The following LILRB1 variants were observed in gnomAD, a reference collection of about 807,000 sequenced individuals.
LILRB1 encodes leukocyte immunoglobulin like receptor B1.
LILRB1 carries 59 observed loss-of-function variants against 74.6 expected under a neutral mutation model. The observed-to-expected ratio is 0.79, with a 90% CI of 0.64 to 0.98. LILRB1 has a LOEUF of 0.98. LILRB1 is among the 50% of genes least tolerant of loss of function. LILRB1 has a pLI of 0.00. For missense variants in LILRB1, 804 were observed against 822.6 expected (o/e 0.98, Z 0.28); for synonymous variants, 328 against 333.9 (o/e 0.98, Z 0.19).
upstream of LILRB1, among the ~76,000 whole-genome samples, chr19:54,630,168 G>A (rs1236208379): frequency 2.0e-5 from 3 of 152,384 alleles, no homozygotes; most frequent in East Asian, 1.9e-4. Flanking sequence ...GTTCATTACC[G>A]CCCGAGGTCA....
In LILRB1 at chr19:54,633,235, G is replaced by T. The variant is rs374192029; in HGVS notation, c.1178G>T (p.Gly393Val). ...PMGPVTSAHA[G>V]TYRCYGSQSS... ...GGTCCTGTGACCTCAGCCCATGCGG[G>T]GACCTACAGGTGCTACGGCTCACAG... The change falls in exon 7 of 15, where the codon GGG becomes GTG. Residue 393 changes from glycine (G) to valine (V), a missense_variant. By Grantham distance (109) the Gly-to-Val change is moderately radical. Transcript: ENST00000324602. The T allele has an allele frequency of 2.5e-6, 4 of 1,614,030 alleles. No homozygotes were observed. The African/African-American group carries it at 5.3e-5, about 22-fold the overall frequency.
intron 1 of LILRB1, among the ~76,000 whole-genome samples, chr19:54,617,553 CTGTG>C (rs55635122): frequency 0.012 from 1,707 of 143,264 alleles, 30 homozygotes; most frequent in African/African-American, 0.035. Flanking sequence ...TACAGGATGT[CTGTG>C]TGTGTGTGTG....
At position 54,633,997 on chromosome 19, in the gene LILRB1, C is replaced by G. The variant is rs755200926; in HGVS notation, c.1339C>G (p.Pro447Ala). The G allele has an allele frequency of 1.3e-6, 2 of 1,598,464 alleles. No individual in the cohort carries two copies. Among genetic ancestry groups the G allele is most frequent in the African/African-American group, 1.3e-5 (1 of 74,730 alleles). Residue 447 changes from proline to alanine, a missense_variant, in exon 9 of 15, where the codon CCC becomes GCC. Pro to Ala is a conservative substitution (Grantham distance 27). Transcript: ENST00000324602. ...SAGPEDQPLTPTGSDPQSGLG... is the reference protein window; with the variant it reads ...SAGPEDQPLTATGSDPQSGLG... ...AGGCCCTGAGGACCAGCCCCTCACC[C>G]CCACCGGGTCGGATCCCCAGAGTGG...
In LILRB1 at chr19:54,636,779, C is replaced by G. The variant is rs776837939; in HGVS notation, c.1860C>G (p.His620Gln). Residue 620 changes from histidine (H) to glutamine (Q), a missense_variant, in exon 15 of 15, where the codon CAC (histidine) becomes CAG (glutamine). His to Gln is a conservative substitution (Grantham distance 24). Coordinates refer to ENST00000324602, the MANE Select transcript of LILRB1 (RefSeq NM_001081637.3). ...AGGATGTGACCTACGCCCAGCTGCA[C>G]AGCTTGACCCTCAGACGGGAGGCAA... ...APQDVTYAQLHSLTLRREATE... is the reference protein window; with the variant it reads ...APQDVTYAQLQSLTLRREATE... 7 of 1,613,006 alleles carry G rather than the reference C, an allele frequency of 4.3e-6. No homozygotes were observed. In the Admixed American group the frequency reaches 1.2e-4, roughly 27 times the overall value.
Position 54,633,052 on chromosome 19 carries a change from C to T in LILRB1, c.995C>T (p.Pro332Leu), listed in dbSNP as rs367559880. The T allele has an allele frequency of 2.8e-5, 46 of 1,614,190 alleles. No individual in the cohort carries two copies. The highest frequency in any genetic ancestry group is 3.3e-4 in the Middle Eastern group (2 of 6,062). ...FYDRVSLSVQ[P>L]GPTVASGENV... ...GACAGAGTCTCCCTCTCGGTGCAGC[C>T]GGGCCCCACGGTGGCCTCAGGAGAG... The change falls in exon 7 of 15, where the codon CCG (proline) becomes CTG (leucine). Residue 332 changes from proline to leucine, a missense_variant. Coordinates refer to ENST00000324602, the MANE Select transcript of LILRB1 (RefSeq NM_001081637.3).
intron 1 of LILRB1, among the ~76,000 whole-genome samples, chr19:54,622,298 A>G (rs2063477465): frequency 2.0e-5 from 3 of 152,192 alleles, no homozygotes; most frequent in African/African-American, 7.2e-5. Context: ...CATTTTAACA[A>G]TATTGATTCT....
chr19:54,635,818 C>G, intron 13 of LILRB1: 1 of 719,814 alleles, frequency 1.4e-6, no homozygotes, highest in South Asian at 1.5e-5. Context: ...CTTCCTGCTC[C>G]TCATCCTCTG....
At chr19:54,628,326 G>A (rs75122192), upstream of LILRB1, among the ~76,000 whole-genome samples, 5 of 152,026 alleles carry the variant, frequency 3.3e-5, no homozygotes, top group Non-Finnish European at 5.9e-5. Flanking sequence ...TATTTATCAC[G>A]GCTAGCAGAT....
rs1164496470 is a variant in LILRB1, at chr19:54,630,555, C to T, written c.-127C>T. ...GCACAGCCAGATGCGAGATGCGTCT[C>T]TGCTGATCTGAGTCTGCCTGCAGCA... On this transcript the variant is annotated 5_prime_UTR_variant, in exon 1 of 15. Coordinates refer to ENST00000324602, the MANE Select transcript of LILRB1 (RefSeq NM_001081637.3). 41 of 602,092 alleles carry T rather than the reference C, an allele frequency of 6.8e-5. No homozygotes were observed. The highest frequency in any genetic ancestry group is 8.8e-5 in the Non-Finnish European group (30 of 341,376). 37.3% of individuals were successfully genotyped at this position (602,092 alleles called of 1,614,324 possible).
At chr19:54,634,608 A>T in intron 9 of LILRB1, 33 bp from the exon 10 acceptor site, 1 of 1,590,582 alleles carries the variant, frequency 6.3e-7, no homozygotes, top group Middle Eastern at 1.7e-4. Flanking sequence ...TTTCAATGAC[A>T]TCACCCCCAT....
rs751405593 is a variant in LILRB1 at position 54,636,871 on chromosome 19, T to A, written c.1952T>A (p.Ile651Asn). ...CCCAGCATCTACGCCACTCTGGCCATCCACTAGCCCAGGGGGGGACGCAGA... is the reference window on the plus strand; with the variant it reads ...CCCAGCATCTACGCCACTCTGGCCAACCACTAGCCCAGGGGGGGACGCAGA... ...AVPSIYATLA[I>N]H Residue 651 changes from isoleucine to asparagine, a missense_variant, in exon 15 of 15, where the codon ATC becomes AAC. Physicochemically the swap from Ile to Asn is moderately radical, Grantham distance 149. Coordinates refer to ENST00000324602, the MANE Select transcript of LILRB1 (RefSeq NM_001081637.3). 1 of 1,613,102 alleles carries A rather than the reference T, an allele frequency of 6.2e-7. No homozygotes were observed. The highest frequency in any genetic ancestry group is 1.3e-5 in the African/African-American group (1 of 74,840).
Position 54,636,662 on chromosome 19 carries a change from T to C in LILRB1, c.1812+10T>C, listed in dbSNP as rs768398249. On this transcript the variant is annotated intron_variant, in intron 14 of 14. Coordinates refer to ENST00000324602, the MANE Select transcript of LILRB1 (RefSeq NM_001081637.3). ...GCAGATGGACACTGAGGTGAGTCCTTTCCTCTCCAGGCCCCCAGGCCTCCC... is the reference window on the plus strand; with the variant it reads ...GCAGATGGACACTGAGGTGAGTCCTCTCCTCTCCAGGCCCCCAGGCCTCCC... The C allele has an allele frequency of 9.9e-6, 16 of 1,609,572 alleles. No individual in the cohort carries two copies. Among genetic ancestry groups the C allele is most frequent in the Middle Eastern group, 2.1e-4 (1 of 4,870 alleles).
chr19:54,625,743 C>T (rs1388700681), upstream of LILRB1, among the ~76,000 whole-genome samples: 1 of 149,744 alleles, frequency 6.7e-6, no homozygotes, highest in African/African-American at 2.5e-5. Context: ...TAGGGAGCCT[C>T]GCACTCACTC....
At chr19:54,628,374 C>A (rs574175806), upstream of LILRB1, among the ~76,000 whole-genome samples, 1 of 152,168 alleles carries the variant, frequency 6.6e-6, no homozygotes, top group African/African-American at 2.4e-5. Flanking sequence ...ACTGTCTACC[C>A]AGAGACAGTC....
rs769506618 is a variant in LILRB1 at position 54,631,702 on chromosome 19, A to G, written c.273A>G (p.Glu91=). Reference sequence around the variant, plus strand: ...TCCCCATCCCATCCATCACCTGGGAACACACAGGGCGGTATCGCTGTTACT... The same window carrying G: ...TCCCCATCCCATCCATCACCTGGGAGCACACAGGGCGGTATCGCTGTTACT... ...GQFPIPSITW[E]HTGRYRCYYG... is the part of the protein sequence containing the mutation. The change falls in exon 4 of 15, where the codon GAA becomes GAG. Residue 91 remains glutamate, a synonymous_variant. Coordinates refer to ENST00000324602, the MANE Select transcript of LILRB1 (RefSeq NM_001081637.3). 10 of 1,614,164 alleles carry G rather than the reference A, an allele frequency of 6.2e-6. No homozygotes were observed. The East Asian group carries it at 1.6e-4, about 25-fold the overall frequency.
intron 1 of LILRB1, among the ~76,000 whole-genome samples, chr19:54,623,414 T>C (rs1027950676): frequency 1.3e-5 from 2 of 152,220 alleles, no homozygotes; most frequent in Non-Finnish European, 2.9e-5. Flanking sequence ...TAGGAATTCA[T>C]CCATTTCTCT....
intron 3 of LILRB1, 50 bp downstream of exon 3, chr19:54,631,356 G>A (rs756826901): frequency 1.9e-6 from 3 of 1,613,538 alleles, no homozygotes; most frequent in Admixed American, 3.3e-5. Flanking sequence ...CTGGGGACAA[G>A]GGGCCACCCC....
At chr19:54,617,959 A>G (rs1490029124) in intron 1 of LILRB1, among the ~76,000 whole-genome samples, 4 of 151,862 alleles carry the variant, frequency 2.6e-5, no homozygotes, top group Admixed American at 6.6e-5. Flanking sequence ...AAACTTAGCC[A>G]GGCAGTAGTG....
upstream of LILRB1, among the ~76,000 whole-genome samples, chr19:54,628,259 G>C (rs1210972070): frequency 6.6e-6 from 1 of 152,214 alleles, no homozygotes; most frequent in Non-Finnish European, 1.5e-5. Flanking sequence ...GTATAAGCAT[G>C]CCAGGGCAAA....
Sources: allele counts gnomAD v4.1 joint callset (sites outside exome capture counted in the v4.1 genomes callset), GRCh38; gene constraint gnomAD v4.1.1; transcripts MANE v1.5; gene names NCBI Gene and HGNC (gene_info 2026-07-23, HGNC 2026-07-21).